The following UBOX5 variants were observed in gnomAD, a reference collection of about 807,000 sequenced individuals.
UBOX5 encodes U-box domain containing 5.
A neutral mutation model predicts 39.0 loss-of-function variants in UBOX5; 28 were observed. That is an observed-to-expected ratio of 0.72 (90% CI 0.53 to 0.98). UBOX5 has a LOEUF of 0.98. Ranked by LOEUF, UBOX5 falls within the 50% of genes least tolerant of loss-of-function variation. The probability of loss-of-function intolerance (pLI) is 0.00; values close to 1 mark genes in which losing one functional copy is unlikely to be tolerated. For missense variants in UBOX5, 585 were observed against 674.4 expected (o/e 0.87, Z 1.47); for synonymous variants, 283 against 275.5 (o/e 1.03, Z -0.27).
intron 1 of UBOX5, among the ~76,000 whole-genome samples, chr20:3,129,445 T>G (rs2066413629): frequency 6.6e-6 from 1 of 152,148 alleles, no homozygotes; most frequent in Non-Finnish European, 1.5e-5. Context: ...ACATATCAGG[T>G]GATAACCATA....
rs976466732 is a variant in UBOX5, at chr20:3,149,784, G to A, written c.-42+9982C>T. On this transcript the variant is annotated intron_variant, in intron 1 of 4. Transcript: ENST00000217173. The surrounding 1 kb of genome is among the most constrained non-coding windows in gnomAD (Gnocchi z 4.1). ...TGTAATGCCAGCACTTTGGGAGGCC[G>A]AGGCAGGCAGATCACTTGAGGTCAG... Among the ~76,000 whole-genome samples the A allele has an allele frequency of 3.3e-5, 5 of 152,158 alleles. No individual in the cohort carries two copies. The East Asian group carries it at 5.8e-4, about 18-fold the overall frequency.
chr20:3,124,252 CCT>C (rs1299253382), intron 1 of UBOX5, among the ~76,000 whole-genome samples: 2 of 152,154 alleles, frequency 1.3e-5, no homozygotes, highest in Non-Finnish European at 2.9e-5. Context: ...CTTCGGTCTC[CCT>C]CTGTTGCCGA....
Position 3,110,168 on chromosome 20 carries a change from T to C in UBOX5, c.1564A>G (p.Met522Val). 1.2e-6 allele frequency: 2 copies of C among 1,613,540 alleles called. No homozygotes were observed. Among genetic ancestry groups the C allele is most frequent in the Non-Finnish European group, 1.7e-6 (2 of 1,180,020 alleles). Residue 522 changes from methionine (M) to valine (V), a missense_variant, in exon 5 of 5, where the codon ATG becomes GTG. By Grantham distance (21) the Met-to-Val change is conservative. Coordinates refer to ENST00000217173, the MANE Select transcript of UBOX5 (RefSeq NM_014948.4). ...GGCCGCTGGCAGGCTGTGCACGTCA[T>C]GGGCAGGGAGCGTTGCTTCTCACCC... ...CLGEKQRSLP[M>V]TCTACQRPVA...
chr20:3,112,574 T>C (rs1356283244), intron 4 of UBOX5, among the ~76,000 whole-genome samples: 3 of 152,118 alleles, frequency 2.0e-5, no homozygotes, highest in East Asian at 1.9e-4. Flanking sequence ...CATGGCCTCC[T>C]GTAGGAAGAG....
At chr20:3,119,419 A>G (rs2066317603) in intron 3 of UBOX5, among the ~76,000 whole-genome samples, 1 of 152,256 alleles carries the variant, frequency 6.6e-6, no homozygotes, top group South Asian at 2.1e-4. Context: ...ACCCTGAAGC[A>G]GAGAATCCAG....
At chr20:3,152,123 GA>G (rs1376505681) in intron 1 of UBOX5, among the ~76,000 whole-genome samples, 1 of 113,220 alleles carries the variant, frequency 8.8e-6, no homozygotes, top group Non-Finnish European at 1.8e-5. Flanking sequence ...AAAAAAAAAA[GA>G]ACCAAAAAAA....
intron 1 of UBOX5, among the ~76,000 whole-genome samples, chr20:3,155,283 ACTTTGGAAGG>A (rs1395163333): frequency 6.6e-6 from 1 of 152,092 alleles, no homozygotes; most frequent in Admixed American, 6.6e-5. Flanking sequence ...TAATCCCAGC[ACTTTGGAAGG>A]CTGAGGCAGG....
rs1309149036 is a variant in UBOX5 at position 3,115,321 on chromosome 20, C to A, written c.1401G>T (p.Arg467Ser). The A allele has an allele frequency of 4.3e-6, 7 of 1,611,594 alleles. No homozygotes were observed. Among genetic ancestry groups the A allele is most frequent in the Admixed American group, 1.7e-5 (1 of 59,610 alleles). The change falls in exon 4 of 5, where the codon AGG becomes AGT. Residue 467 changes from arginine (R) to serine (S), a missense_variant. Coordinates refer to ENST00000217173, the MANE Select transcript of UBOX5 (RefSeq NM_014948.4). ...CCATGTTACCCGAGCCGGTGCCAGG[C>A]CTCCAGGAAGTGTTGCTCCCTCTTG... ...LGTRGSNTSW[R>S]PGTGSEQPGS...
rs373708457 is a variant in UBOX5, at chr20:3,143,422, ACT to A, written c.-42+16342_-42+16343del. Among the ~76,000 whole-genome samples the A allele has an allele frequency of 1.1e-4, 16 of 152,064 alleles. No homozygotes were observed. In the East Asian group the frequency reaches 2.7e-3, roughly 26 times the overall value. ...TGATTAATCATCTGTATTTCTAAACACTCACAATTAACAACTCATAAAAGAAG... is the reference window on the plus strand; with the variant it reads ...TGATTAATCATCTGTATTTCTAAACACACAATTAACAACTCATAAAAGAAG... On this transcript the variant is annotated intron_variant, in intron 1 of 4. Coordinates refer to ENST00000217173, the MANE Select transcript of UBOX5 (RefSeq NM_014948.4).
At chr20:3,140,297 C>T (rs534146525) in intron 1 of UBOX5, among the ~76,000 whole-genome samples, 5 of 152,228 alleles carry the variant, frequency 3.3e-5, no homozygotes, top group African/African-American at 9.6e-5. Context: ...GCTGGGATTA[C>T]AGGCGTTGAG....
At chr20:3,110,365 G>A in intron 4 of UBOX5, 51 bp from the exon 5 acceptor site, 3 of 1,603,596 alleles carry the variant, frequency 1.9e-6, no homozygotes, top group Non-Finnish European at 1.7e-6. Flanking sequence ...CTGCTCCATG[G>A]TCCAGGCTGC....
At chr20:3,148,407 G>C in intron 1 of UBOX5, 1 of 1,614,114 alleles carries the variant, frequency 6.2e-7, no homozygotes. Flanking sequence ...AGCATTGAAT[G>C]GGAGTGAGGG....
chr20:3,121,738 G>A lies in UBOX5; in HGVS notation c.901C>T (p.Arg301Ter), dbSNP rs752496867. Residue 301 changes from arginine to a stop codon, truncating the protein, a stop_gained, in exon 3 of 5, where the codon CGA becomes TGA. Coordinates refer to ENST00000217173, the MANE Select transcript of UBOX5 (RefSeq NM_014948.4). LOFTEE classifies it high-confidence loss of function. Reference protein sequence around the residue: ...KCNRSEATWGRVPSDPFTGVA... With the variant: ...KCNRSEATWG Reference sequence around the variant, plus strand: ...CCCGTGAAAGGGTCACTGGGCACTCGGCCCCATGTGGCTTCACTGCGGTTA... The same window carrying A: ...CCCGTGAAAGGGTCACTGGGCACTCAGCCCCATGTGGCTTCACTGCGGTTA... 2.5e-6 allele frequency: 4 copies of A among 1,614,072 alleles called. No individual in the cohort carries two copies. The highest frequency in any genetic ancestry group is 1.3e-5 in the African/African-American group (1 of 75,014).
In UBOX5 at chr20:3,108,095, T is replaced by C. The variant is rs2066225087; in HGVS notation, c.*2011A>G. 3 of 152,234 alleles carry C rather than the reference T, an allele frequency of 2.0e-5. No individual in the cohort carries two copies. The highest frequency in any genetic ancestry group is 6.5e-5 in the Admixed American group (1 of 15,272). 9.4% of individuals were successfully genotyped at this position (152,234 alleles called of 1,614,324 possible). ...CCCCCACACTCACCAAGAAATGCTTTTGCTACATGCTGGGGCTTTTTTCTT... is the reference window on the plus strand; with the variant it reads ...CCCCCACACTCACCAAGAAATGCTTCTGCTACATGCTGGGGCTTTTTTCTT... On this transcript the variant is annotated 3_prime_UTR_variant, in exon 5 of 5. Coordinates refer to ENST00000217173, the MANE Select transcript of UBOX5 (RefSeq NM_014948.4).
chr20:3,142,497 T>C (rs2066525439), intron 1 of UBOX5, among the ~76,000 whole-genome samples: 2 of 149,122 alleles, frequency 1.3e-5, no homozygotes, highest in Non-Finnish European at 1.5e-5. Flanking sequence ...CTAGCTACTA[T>C]GGAGGCTGAG....
At chr20:3,130,202 T>A (rs1464074098) in intron 1 of UBOX5, among the ~76,000 whole-genome samples, 1 of 150,578 alleles carries the variant, frequency 6.6e-6, no homozygotes, top group African/African-American at 2.5e-5. Flanking sequence ...CCAGACTGGG[T>A]GACAGAGTGA....
At chr20:3,140,351 T>A (rs547934299) in intron 1 of UBOX5, among the ~76,000 whole-genome samples, 22 of 152,226 alleles carry the variant, frequency 1.4e-4, no homozygotes, top group African/African-American at 5.3e-4. Flanking sequence ...AAGAAATGTA[T>A]AGGCTCAAAA....
Position 3,123,186 on chromosome 20 carries a change from G to A in UBOX5, c.54+126C>T. 4.2e-6 allele frequency: 4 copies of A among 953,556 alleles called. No homozygotes were observed. The South Asian group carries it at 5.9e-5, about 14-fold the overall frequency. The allele number at this position is 953,556 out of a possible 1,614,324, so 59.1% of individuals were successfully genotyped here. ...CATGCTTACCTAAATACCATCTGATGGAATCTAAAGTAACAAGAGCAAAAG... is the reference window on the plus strand; with the variant it reads ...CATGCTTACCTAAATACCATCTGATAGAATCTAAAGTAACAAGAGCAAAAG... On this transcript the variant is annotated intron_variant, in intron 2 of 4. Transcript: ENST00000217173.
intron 4 of UBOX5, 94 bp from the exon 5 acceptor site, chr20:3,110,408 G>T: frequency 7.2e-7 from 1 of 1,392,964 alleles, no homozygotes; most frequent in Non-Finnish European, 1.0e-6. Flanking sequence ...CCGTGCTGCT[G>T]CAGCATCTGG....
Sources: gnomAD v4.1 joint callset for allele counts (sites outside exome capture counted in the v4.1 genomes callset) on GRCh38, gnomAD v4.1.1 for gene constraint, Gnocchi (gnomAD v3.1) non-coding constraint, MANE v1.5 for transcripts, NCBI Gene and HGNC (gene_info 2026-07-23, HGNC 2026-07-21) for gene names.